Variants in WDR25 observed in about 807,000 individuals in gnomAD.
WDR25 encodes WD repeat-containing protein 25.
WDR25 carries 35 observed loss-of-function variants against 47.7 expected under a neutral mutation model. The observed-to-expected ratio is 0.73, with a 90% confidence interval of 0.56 to 0.97. The LOEUF (loss-of-function observed/expected upper bound fraction) is 0.97. Among genes scored for constraint, WDR25 ranks in the 50% least tolerant of loss-of-function variants. The probability of loss-of-function intolerance (pLI) is 0.00; values close to 1 mark genes in which losing one functional copy is unlikely to be tolerated. For synonymous variants in WDR25, 248 were observed against 278.9 expected, an observed-to-expected ratio of 0.89 and a Z score of 1.10; for missense variants, 634 against 704.7, an observed-to-expected ratio of 0.90 and a Z score of 1.14.
chr14:100,383,790 G>T (rs946421898), intron 2 of WDR25, among the ~76,000 whole-genome samples: 1 of 152,228 alleles, frequency 6.6e-6, no homozygotes, highest in African/African-American at 2.4e-5. Context: ...CTGGGGACGT[G>T]GGGGGAGAGA....
chr14:100,391,746 T>C (rs1387434103), intron 2 of WDR25, among the ~76,000 whole-genome samples: 4 of 152,346 alleles, frequency 2.6e-5, no homozygotes, highest in Non-Finnish European at 5.9e-5. Context: ...CAGTTTTTAA[T>C]GCTGTAATTT....
chr14:100,436,492 A>T (rs1898503796), intron 2 of WDR25, among the ~76,000 whole-genome samples: 2 of 152,334 alleles, frequency 1.3e-5, no homozygotes, highest in Non-Finnish European at 2.9e-5. Flanking sequence ...ATGGCATCTT[A>T]ATGTTGGCTC....
At position 100,530,082 on chromosome 14, in the gene WDR25, T is replaced by C. The variant is rs914332169; in HGVS notation, c.*41T>C. 2.5e-6 allele frequency: 4 copies of C among 1,573,346 alleles called. No homozygotes were observed. Among genetic ancestry groups the C allele is most frequent in the Non-Finnish European group, 3.5e-6 (4 of 1,155,670 alleles). On this transcript the variant is annotated 3_prime_UTR_variant, in exon 7 of 7. Transcript: ENST00000402312. ...ACCTTCCCGATGCCAGCTGGGCTCT[T>C]GGACTCCCCTCTTCCTCAAGGGTAG...
intron 4 of WDR25, among the ~76,000 whole-genome samples, chr14:100,490,235 C>A (rs558847939): frequency 6.6e-6 from 1 of 152,132 alleles, no homozygotes; most frequent in Non-Finnish European, 1.5e-5. Flanking sequence ...AGAGTTGTGC[C>A]TCATTTACCA....
At chr14:100,520,094 T>A (rs201829696) in intron 4 of WDR25, among the ~76,000 whole-genome samples, 1 of 88,608 alleles carries the variant, frequency 1.1e-5, no homozygotes, top group Non-Finnish European at 1.8e-5. Context: ...ATATATATAG[T>A]GTATATATAT....
intron 4 of WDR25, among the ~76,000 whole-genome samples, chr14:100,494,299 A>G (rs1414274809): frequency 2.6e-5 from 4 of 152,156 alleles, no homozygotes; most frequent in Non-Finnish European, 5.9e-5. Flanking sequence ...TAGAATTTCT[A>G]TCTGTTTGCT....
chr14:100,380,297 C>T (rs1469122370), intron 1 of WDR25, among the ~76,000 whole-genome samples: 3 of 152,020 alleles, frequency 2.0e-5, no homozygotes, highest in African/African-American at 7.2e-5. Context: ...ATCCGCCCAC[C>T]TCAGCCTCCC....
At chr14:100,376,844 A>G in intron 1 of WDR25, 1 of 952,186 alleles carries the variant, frequency 1.1e-6, no homozygotes, top group Non-Finnish European at 1.4e-6. Context: ...GAATGGGAAT[A>G]TCCTATTTCT....
rs1442526490 is a variant in WDR25, at chr14:100,523,658, TCAG to T, written c.1102-2207_1102-2205del. Among the ~76,000 whole-genome samples the T allele has an allele frequency of 1.3e-5, 2 of 151,822 alleles. No individual in the cohort carries two copies. The highest frequency in any genetic ancestry group is 2.9e-5 in the Non-Finnish European group (2 of 67,936). On this transcript the variant is annotated intron_variant, in intron 4 of 6. Coordinates refer to ENST00000402312, the MANE Select transcript of WDR25 (RefSeq NM_001161476.3). This position sits in a 1 kb window ranked among gnomAD's most constrained non-coding sequence, Gnocchi z 4.7. Reference sequence around the variant, plus strand: ...GGAACCCAAGGCTGCTCTGGACGAGTCAGCAGCGGCCCAGCATCCCCCAGGTTT... The same window carrying T: ...GGAACCCAAGGCTGCTCTGGACGAGTCAGCGGCCCAGCATCCCCCAGGTTT...
chr14:100,501,947 G>C (rs1157508596), intron 4 of WDR25, among the ~76,000 whole-genome samples: 1 of 152,182 alleles, frequency 6.6e-6, no homozygotes, highest in South Asian at 2.1e-4. Context: ...CAGCAGACAA[G>C]GGCCAGCTTC....
rs1467788827 is a variant in WDR25, at chr14:100,523,886, TTAAG to T, written c.1102-1983_1102-1980del. 2.0e-5 allele frequency among the ~76,000 whole-genome samples: 3 copies of T among 152,058 alleles called. No homozygotes were observed. Among genetic ancestry groups the T allele is most frequent in the Non-Finnish European group, 4.4e-5 (3 of 67,998 alleles). On this transcript the variant is annotated intron_variant, in intron 4 of 6. Transcript: ENST00000402312. The surrounding 1 kb of genome is among the most constrained non-coding windows in gnomAD (Gnocchi z 4.7). ...CGTCCCATGCCAGCTGTTGGTGTAA[TTAAG>T]GTTGCCATAAAACCCACCAGCTAGA...
intron 2 of WDR25, among the ~76,000 whole-genome samples, chr14:100,456,547 C>T (rs1011057134): frequency 1.3e-5 from 2 of 152,110 alleles, no homozygotes; most frequent in African/African-American, 4.8e-5. Flanking sequence ...TAAGAAGAGA[C>T]ATGGGCGATA....
At position 100,428,544 on chromosome 14, in the gene WDR25, G is replaced by T. The variant is rs543936014; in HGVS notation, c.823-39477G>T. Among the ~76,000 whole-genome samples, 131 of 152,252 alleles carry T rather than the reference G, an allele frequency of 8.6e-4. No individual in the cohort carries two copies. The highest frequency in any genetic ancestry group is 3.1e-3 in the African/African-American group (127 of 41,560). The stretch of plus-strand genomic sequence containing the variant: ...CTGTCTCTCTGCGTTCTTAGTGGAG[G>T]TGGCCCCTGTGGTGGTCCCTGTTGA... On this transcript the variant is annotated intron_variant, in intron 2 of 6. Transcript: ENST00000402312. The surrounding 1 kb of genome is among the most constrained non-coding windows in gnomAD (Gnocchi z 4.3).
At chr14:100,394,974 AAC>A (rs1491058644) in intron 2 of WDR25, among the ~76,000 whole-genome samples, 1 of 151,980 alleles carries the variant, frequency 6.6e-6, no homozygotes. Context: ...CTCAAAAAAA[AAC>A]AACAACAATG....
chr14:100,512,501 C>A (rs1427710634), intron 4 of WDR25, among the ~76,000 whole-genome samples: 1 of 152,128 alleles, frequency 6.6e-6, no homozygotes, highest in African/African-American at 2.4e-5. Flanking sequence ...TCTGATCAGT[C>A]TAGCTAGAGG....
intron 2 of WDR25, among the ~76,000 whole-genome samples, chr14:100,408,863 G>A (rs1382524850): frequency 6.6e-6 from 1 of 152,152 alleles, no homozygotes; most frequent in African/African-American, 2.4e-5. Flanking sequence ...TTAAAATAAT[G>A]TATGCTCATT....
intron 2 of WDR25, among the ~76,000 whole-genome samples, chr14:100,391,419 T>C (rs1163768432): frequency 1.3e-5 from 2 of 152,252 alleles, no homozygotes; most frequent in Non-Finnish European, 2.9e-5. Context: ...TCCCCCACAC[T>C]GACGCTGGCT....
At chr14:100,513,235 AG>A (rs1901368368) in intron 4 of WDR25, among the ~76,000 whole-genome samples, 1 of 152,176 alleles carries the variant, frequency 6.6e-6, no homozygotes, top group African/African-American at 2.4e-5. Flanking sequence ...GGATGGTATT[AG>A]GGGGTGGGGG....
chr14:100,422,650 C>G (rs569113582), intron 2 of WDR25, among the ~76,000 whole-genome samples: 2 of 152,224 alleles, frequency 1.3e-5, no homozygotes, highest in Non-Finnish European at 2.9e-5. Flanking sequence ...TGCCAGCTTC[C>G]CCTCCTGAGT....
Sources: allele counts gnomAD v4.1 joint callset (sites outside exome capture counted in the v4.1 genomes callset), GRCh38; gene constraint gnomAD v4.1.1; non-coding constraint Gnocchi (gnomAD v3.1); transcripts MANE v1.5; gene names NCBI Gene and HGNC (gene_info 2026-07-23, HGNC 2026-07-21).